Variants in L2HGDH observed in about 807,000 individuals in gnomAD.
L2HGDH encodes the protein L-2-hydroxyglutarate dehydrogenase, mitochondrial.
L2HGDH carries 34 observed loss-of-function variants against 51.5 expected under a neutral mutation model. The observed-to-expected ratio is 0.66, with a 90% confidence interval of 0.50 to 0.88. L2HGDH has a LOEUF of 0.88. Ranked by LOEUF, L2HGDH falls within the 40% of genes least tolerant of loss-of-function variation. The probability of loss-of-function intolerance (pLI) is 0.00; values close to 1 mark genes in which losing one functional copy is unlikely to be tolerated. For synonymous variants in L2HGDH, 198 were observed against 197.9 expected, an observed-to-expected ratio of 1.00 and a Z score of -0.01; for missense variants, 558 against 571.9, an observed-to-expected ratio of 0.98 and a Z score of 0.25.
intron 1 of L2HGDH, among the ~76,000 whole-genome samples, chr14:50,309,019 C>T (rs200383162): frequency 9.3e-6 from 1 of 107,224 alleles, no homozygotes; most frequent in African/African-American, 3.2e-5. Context: ...TCTCCAAAGG[C>T]TTGTTTTGAG....
At chr14:50,303,767 G>A (rs536996552) in intron 1 of L2HGDH, among the ~76,000 whole-genome samples, 8 of 129,656 alleles carry the variant, frequency 6.2e-5, no homozygotes, top group South Asian at 2.4e-4. Context: ...GGGAGACAGC[G>A]CCAGACCCTG....
chr14:50,271,984 T>C (rs563335677), intron 6 of L2HGDH, among the ~76,000 whole-genome samples: 2 of 152,056 alleles, frequency 1.3e-5, no homozygotes, highest in South Asian at 4.2e-4. Flanking sequence ...CTACTAAAAA[T>C]ACAAAAATTA....
chr14:50,251,562 C>G (rs1187922046), intron 9 of L2HGDH, among the ~76,000 whole-genome samples: 2 of 151,952 alleles, frequency 1.3e-5, no homozygotes, highest in Non-Finnish European at 2.9e-5. Context: ...GAGACTAACT[C>G]AAGCCATTTA....
chr14:50,306,365 T>C (rs2030727235), intron 1 of L2HGDH, among the ~76,000 whole-genome samples: 2 of 152,148 alleles, frequency 1.3e-5, no homozygotes, highest in Admixed American at 1.3e-4. Flanking sequence ...TTTTAATTTA[T>C]CAAGTTGATA....
chr14:50,290,268 T>TA (rs199797742), intron 4 of L2HGDH, among the ~76,000 whole-genome samples: 2,313 of 149,658 alleles, frequency 0.015, 39 homozygotes, highest in Middle Eastern at 0.088. Context: ...CTCCGTCTCA[T>TA]AAAAAAAAAC....
chr14:50,302,067 G>A lies in L2HGDH; in HGVS notation c.358C>T (p.Leu120Phe), dbSNP rs779829126. ...AKLCVQGAAL[L>F]YEYCQQKGIS... ...CCCTTTTGCTGACAGTACTCATAGA[G>A]GAGGGCTGCACCTTGTACACATAAT... The change falls in exon 3 of 10, where the codon CTC becomes TTC. Residue 120 changes from leucine to phenylalanine, a missense_variant. Leu to Phe is a conservative substitution (Grantham distance 22). Coordinates refer to ENST00000267436, the MANE Select transcript of L2HGDH (RefSeq NM_024884.3). 1.2e-6 allele frequency: 2 copies of A among 1,614,120 alleles called. No homozygotes were observed. Among genetic ancestry groups the A allele is most frequent in the East Asian group, 2.2e-5 (1 of 44,872 alleles).
chr14:50,244,583 C>A lies in L2HGDH; in HGVS notation c.*2475G>T, dbSNP rs1887921236. Reference sequence around the variant, plus strand: ...TATAAAGAAACATTAGGGCTTGTTTCTTCTGTCATTGATATCTGAATGCTT... The same window carrying A: ...TATAAAGAAACATTAGGGCTTGTTTATTCTGTCATTGATATCTGAATGCTT... On this transcript the variant is annotated 3_prime_UTR_variant, in exon 10 of 10. Transcript: ENST00000267436. 10 of 985,274 alleles carry A rather than the reference C, an allele frequency of 1.0e-5. No homozygotes were observed. The highest frequency in any genetic ancestry group is 1.1e-5 in the Non-Finnish European group (9 of 829,924). The allele number at this position is 985,274 out of a possible 1,614,324, so 61.0% of individuals were successfully genotyped here.
chr14:50,287,293 TG>T (rs1357950924), intron 4 of L2HGDH: 7 of 984,622 alleles, frequency 7.1e-6, no homozygotes, highest in Non-Finnish European at 7.2e-6. Flanking sequence ...TAAAAAATCA[TG>T]GGTTCCTGTT....
intron 8 of L2HGDH, among the ~76,000 whole-genome samples, chr14:50,266,020 C>T (rs565847192): frequency 6.6e-6 from 1 of 152,064 alleles, no homozygotes; most frequent in Admixed American, 6.6e-5. Context: ...GTGGTGTGTG[C>T]CTGTAGTTCC....
intron 6 of L2HGDH, among the ~76,000 whole-genome samples, chr14:50,272,655 T>A (rs983173142): frequency 6.6e-6 from 1 of 152,136 alleles, no homozygotes; most frequent in African/African-American, 2.4e-5. Context: ...ATTAACTGGG[T>A]GGTGTTGTCT....
rs1323933161 is a variant in L2HGDH at position 50,267,914 on chromosome 14, T to C, written c.907-4A>G. The C allele has an allele frequency of 6.2e-7, 1 of 1,613,316 alleles. No individual in the cohort carries two copies. Among genetic ancestry groups the C allele is most frequent in the East Asian group, 2.2e-5 (1 of 44,880 alleles). On this transcript the variant is annotated splice_region_variant and splice_polypyrimidine_tract_variant and intron_variant, in intron 7 of 9. Transcript: ENST00000267436. Reference sequence around the variant, plus strand: ...AAGGAAACCGGCTATCTGGGACCTATAAATTTAACATAGTAAATAACAGCC... The same window carrying C: ...AAGGAAACCGGCTATCTGGGACCTACAAATTTAACATAGTAAATAACAGCC...
At chr14:50,267,948 C>A (rs201366957) in intron 7 of L2HGDH, 38 bp from the exon 8 acceptor site, 1 of 1,587,364 alleles carries the variant, frequency 6.3e-7, no homozygotes, top group Non-Finnish European at 8.7e-7. Context: ...CCTCATTTCA[C>A]ATTCCATGTT....
chr14:50,282,202 G>C (rs1289083225), intron 5 of L2HGDH, among the ~76,000 whole-genome samples: 5 of 152,104 alleles, frequency 3.3e-5, no homozygotes, highest in Non-Finnish European at 2.9e-5. Context: ...GTGGACAGAA[G>C]CCAGGGATAC....
chr14:50,258,983 G>C (rs1170662496), intron 9 of L2HGDH, among the ~76,000 whole-genome samples: 11 of 150,138 alleles, frequency 7.3e-5, no homozygotes. Flanking sequence ...TGGGACTACA[G>C]GCATATGCGC....
At chr14:50,291,802 T>C (rs1275461181) in intron 4 of L2HGDH, among the ~76,000 whole-genome samples, 2 of 152,132 alleles carry the variant, frequency 1.3e-5, no homozygotes, top group Admixed American at 6.6e-5. Context: ...AAAAAACACA[T>C]ATAAAACTAT....
chr14:50,257,486 C>T (rs901612739), intron 9 of L2HGDH, among the ~76,000 whole-genome samples: 8 of 151,876 alleles, frequency 5.3e-5, no homozygotes, highest in Admixed American at 2.0e-4. Flanking sequence ...CCTCCCTCCT[C>T]GGCCTCCAGA....
chr14:50,254,421 G>C (rs1888539836), intron 9 of L2HGDH, among the ~76,000 whole-genome samples: 1 of 152,024 alleles, frequency 6.6e-6, no homozygotes, highest in South Asian at 2.1e-4. Context: ...ACTTCTTGGG[G>C]TAGAGACGCA....
chr14:50,290,075 C>A (rs1890788780), intron 4 of L2HGDH, among the ~76,000 whole-genome samples: 1 of 152,052 alleles, frequency 6.6e-6, no homozygotes, highest in African/African-American at 2.4e-5. Context: ...ACCATCCTGG[C>A]TAACAAGGTG....
Position 50,243,946 on chromosome 14 carries a change from TC to T in L2HGDH, c.*3111del, listed in dbSNP as rs1199758449. On this transcript the variant is annotated 3_prime_UTR_variant, in exon 10 of 10. Transcript: ENST00000267436. ...GAACATGCGGTGTTTGGTTTTTTGT[TC>T]TTGCGATAGTTTACTGAGAATGATG... The T allele has an allele frequency of 6.7e-6, 1 of 149,168 alleles. No homozygotes were observed. Among genetic ancestry groups the T allele is most frequent in the African/African-American group, 2.5e-5 (1 of 40,506 alleles). 9.2% of individuals were successfully genotyped at this position (149,168 alleles called of 1,614,324 possible). A position where few individuals can be genotyped will look rare whatever the true frequency, so the allele number is the denominator to read the frequency against.
Sources: allele counts gnomAD v4.1 joint callset (sites outside exome capture counted in the v4.1 genomes callset), GRCh38; gene constraint gnomAD v4.1.1; transcripts MANE v1.5; gene names NCBI Gene and HGNC (gene_info 2026-07-23, HGNC 2026-07-21).